The following AP3D1 variants were observed in gnomAD, a reference collection of about 807,000 sequenced individuals.
AP3D1 encodes the protein AP-3 complex subunit delta-1.
A neutral mutation model predicts 147.6 loss-of-function variants in AP3D1; 51 were observed. The ratio of observed to expected loss-of-function variants is 0.35; its 90% CI spans 0.28 to 0.44. The LOEUF is 0.44. Among genes scored for constraint, AP3D1 ranks in the 20% least tolerant of loss-of-function variants. AP3D1 has a pLI of 1.00. For missense variants in AP3D1, 1,421 were observed against 1,624.2 expected, an observed-to-expected ratio of 0.87 and a Z score of 2.15; for synonymous variants, 760 against 663.0, an observed-to-expected ratio of 1.15 and a Z score of -2.25.
chr19:2,115,114 C>T (rs2018403987), intron 20 of AP3D1, 105 bp downstream of exon 20: 1 of 1,257,294 alleles, frequency 8.0e-7, no homozygotes, highest in Admixed American at 2.1e-5. Context: ...GGCCTCATCC[C>T]AGCCACCAAC....
intron 1 of AP3D1, among the ~76,000 whole-genome samples, chr19:2,147,520 C>T (rs1208055858): frequency 6.8e-6 from 1 of 146,718 alleles, no homozygotes; most frequent in African/African-American, 2.5e-5. Flanking sequence ...TGTGCCACTG[C>T]ACTCCAGCCT....
chr19:2,161,185 G>A (rs2019694598), intron 1 of AP3D1, among the ~76,000 whole-genome samples: 1 of 135,568 alleles, frequency 7.4e-6, no homozygotes, highest in African/African-American at 2.8e-5. Flanking sequence ...TTTTGAGACA[G>A]AGTCTTGCTC....
intron 1 of AP3D1, among the ~76,000 whole-genome samples, chr19:2,157,453 A>AC (rs1599507145): frequency 6.7e-6 from 1 of 148,964 alleles, no homozygotes; most frequent in East Asian, 2.0e-4. Context: ...AAAAAAAAAA[A>AC]AAAAAAAGAA....
intron 1 of AP3D1, among the ~76,000 whole-genome samples, chr19:2,142,754 T>C (rs2019254886): frequency 7.9e-6 from 1 of 127,012 alleles, no homozygotes. Flanking sequence ...GGGTTTTTTC[T>C]GTTTTTTTTT....
chr19:2,155,361 A>G (rs1035116696), upstream of AP3D1, among the ~76,000 whole-genome samples: 2 of 133,410 alleles, frequency 1.5e-5, no homozygotes, highest in Non-Finnish European at 3.0e-5. Context: ...ACTCCATCTC[A>G]AAAAAAAAAC....
chr19:2,111,031 A>C, intron 26 of AP3D1, 135 bp from the exon 27 acceptor site: 1 of 1,059,956 alleles, frequency 9.4e-7, no homozygotes, highest in Non-Finnish European at 1.4e-6. Flanking sequence ...GGCGCCCCCT[A>C]GCCGCAGGCC....
chr19:2,128,038 G>T (rs890232952), intron 8 of AP3D1, among the ~76,000 whole-genome samples: 1 of 152,210 alleles, frequency 6.6e-6, no homozygotes, highest in African/African-American at 2.4e-5. Context: ...ACCCTTCTGT[G>T]AATGTGTCCT....
chr19:2,112,796 C>T (rs1175572249), intron 24 of AP3D1, 64 bp downstream of exon 24: 6 of 1,360,360 alleles, frequency 4.4e-6, no homozygotes, highest in Non-Finnish European at 6.1e-6. Context: ...CTGTGTCCGG[C>T]CCCACGTTGG....
chr19:2,116,305 C>G (rs751991865), intron 17 of AP3D1, 27 bp from the exon 18 acceptor site: 1 of 1,609,110 alleles, frequency 6.2e-7, no homozygotes. Flanking sequence ...GGCATGAGCC[C>G]GAGAGAAGCG....
At chr19:2,144,086 CAA>C (rs36022453) in intron 1 of AP3D1, among the ~76,000 whole-genome samples, 8 of 123,358 alleles carry the variant, frequency 6.5e-5, no homozygotes, top group Non-Finnish European at 5.0e-5. Context: ...AACTCCGTCT[CAA>C]AAAAAAAAAA....
chr19:2,134,263 C>CA (rs892871247), intron 4 of AP3D1, among the ~76,000 whole-genome samples: 23 of 151,258 alleles, frequency 1.5e-4, no homozygotes, highest in East Asian at 5.9e-4. Context: ...ACAAAAAATA[C>CA]AAAAAAAATC....
Position 2,121,130 on chromosome 19 carries a change from A to G in AP3D1, c.1250+33T>C, listed in dbSNP as rs756449619. Reference sequence around the variant, plus strand: ...GGCGGTGAGTGAGCGGCGCCACGGAACCCCCGGCCACACCCCTGGGAGCGG... The same window carrying G: ...GGCGGTGAGTGAGCGGCGCCACGGAGCCCCCGGCCACACCCCTGGGAGCGG... On this transcript the variant is annotated intron_variant, in intron 13 of 31. Transcript: ENST00000643116. 32 of 1,613,230 alleles carry G rather than the reference A, an allele frequency of 2.0e-5. No individual in the cohort carries two copies. The Admixed American group carries it at 5.3e-4, about 27-fold the overall frequency.
chr19:2,129,211 A>T (rs1288347184), intron 7 of AP3D1, 48 bp from the exon 8 acceptor site: 3 of 1,608,270 alleles, frequency 1.9e-6, no homozygotes, highest in African/African-American at 2.7e-5. Flanking sequence ...TGCCCCACGC[A>T]GGGTGAGGGA....
At position 2,130,468 on chromosome 19, in the gene AP3D1, G is replaced by A; in HGVS notation, c.532C>T (p.Pro178Ser). 1 of 1,614,048 alleles carries A rather than the reference G, an allele frequency of 6.2e-7. No homozygotes were observed. Among genetic ancestry groups the A allele is most frequent in the Non-Finnish European group, 8.5e-7 (1 of 1,180,018 alleles). ...GGAAAGGCAGGGCGCAGCGACTCGGGGTACTTCAGGAACACCTTGTACATG... is the reference window on the plus strand; with the variant it reads ...GGAAAGGCAGGGCGCAGCGACTCGGAGTACTTCAGGAACACCTTGTACATG... Reference protein sequence around the residue: ...LIMYKVFLKYPESLRPAFPRL... With the variant: ...LIMYKVFLKYSESLRPAFPRL... Residue 178 changes from proline to serine, a missense_variant, in exon 6 of 32, where the codon CCC becomes TCC. By Grantham distance (74) the Pro-to-Ser change is moderately conservative (BLOSUM62 -1). Coordinates refer to ENST00000643116, the MANE Select transcript of AP3D1 (RefSeq NM_001261826.3).
chr19:2,118,872 C>A (rs1178099759), intron 14 of AP3D1, 40 bp from the exon 15 acceptor site: 4 of 1,578,494 alleles, frequency 2.5e-6, no homozygotes, highest in East Asian at 2.3e-5. Flanking sequence ...GGATGCCAAT[C>A]CCGGGGCTCC....
intron 1 of AP3D1, among the ~76,000 whole-genome samples, chr19:2,150,671 C>G (rs564762918): frequency 6.6e-6 from 1 of 152,292 alleles, no homozygotes; most frequent in African/African-American, 2.4e-5. Context: ...CCTCAGGGAG[C>G]GACCTGGACA....
chr19:2,108,901 A>G, intron 30 of AP3D1, 135 bp from the exon 31 acceptor site: 4 of 1,317,986 alleles, frequency 3.0e-6, no homozygotes, highest in Non-Finnish European at 4.2e-6. Context: ...TGTGGCCCTG[A>G]GAGGCCTGGG....
intron 4 of AP3D1, chr19:2,133,367 G>A (rs944150588): frequency 1.3e-5 from 2 of 152,138 alleles, no homozygotes; most frequent in Non-Finnish European, 2.9e-5. Flanking sequence ...CAGCACTTGG[G>A]GAAATAAATC....
chr19:2,114,661 G>A, intron 21 of AP3D1, 87 bp downstream of exon 21: 1 of 838,986 alleles, frequency 1.2e-6, no homozygotes, highest in East Asian at 3.5e-5. Flanking sequence ...ACCCTGCAGA[G>A]CCCGGCCCCA....
Sources: gnomAD v4.1 joint callset for allele counts (sites outside exome capture counted in the v4.1 genomes callset) on GRCh38, gnomAD v4.1.1 for gene constraint, MANE v1.5 for transcripts, NCBI Gene and HGNC (gene_info 2026-07-23, HGNC 2026-07-21) for gene names.